The following MAP2K5 variants were observed in gnomAD, a reference collection of about 807,000 sequenced individuals.
MAP2K5 encodes the protein mitogen-activated protein kinase kinase 5.
In MAP2K5, 49 loss-of-function variants were observed where a neutral mutation model predicts 83.1. The ratio of observed to expected loss-of-function variants is 0.59; its 90% CI spans 0.47 to 0.75. MAP2K5 has a LOEUF of 0.75. Among genes scored for constraint, MAP2K5 ranks in the 30% least tolerant of loss-of-function variants. The pLI, the probability that MAP2K5 is intolerant of heterozygous loss-of-function variation, is 0.00. For missense variants in MAP2K5, 457 were observed against 557.5 expected, an observed-to-expected ratio of 0.82 and a Z score of 1.82; for synonymous variants, 202 against 191.8, an observed-to-expected ratio of 1.05 and a Z score of -0.44.
At chr15:67,803,615 C>T (rs1349406855) in intron 21 of MAP2K5, among the ~76,000 whole-genome samples, 1 of 152,148 alleles carries the variant, frequency 6.6e-6, no homozygotes, top group African/African-American at 2.4e-5. Flanking sequence ...CCTCAGTGTC[C>T]TCTCCTCTAA....
chr15:67,684,830 A>G (rs1343350298), intron 13 of MAP2K5, among the ~76,000 whole-genome samples: 15 of 152,244 alleles, frequency 9.9e-5, no homozygotes, highest in Admixed American at 9.8e-4. Context: ...GATGGAATTA[A>G]CTGAATTAGA....
At chr15:67,798,207 T>C (rs2090638819) in intron 21 of MAP2K5, among the ~76,000 whole-genome samples, 1 of 152,138 alleles carries the variant, frequency 6.6e-6, no homozygotes, top group South Asian at 2.1e-4. Context: ...GGAGCAGATG[T>C]CCATTCTCCT....
chr15:67,713,941 T>C (rs12904982), intron 16 of MAP2K5, among the ~76,000 whole-genome samples: 56,562 of 152,140 alleles, frequency 0.37, 12,090 homozygotes, highest in Non-Finnish European at 0.5. Context: ...CCAACACTTA[T>C]AATCAGTGTG....
chr15:67,756,515 C>CTG (rs200627656), intron 19 of MAP2K5, among the ~76,000 whole-genome samples: 20,727 of 131,006 alleles, frequency 0.16, 1,902 homozygotes, highest in East Asian at 0.27. Context: ...CACACAGTTA[C>CTG]TGTGTGTGTG....
chr15:67,628,532 G>T (rs1283303239), intron 8 of MAP2K5: 3 of 835,440 alleles, frequency 3.6e-6, no homozygotes, highest in Non-Finnish European at 6.1e-6. Flanking sequence ...TATCACCTAA[G>T]AGATTATTTT....
Position 67,786,814 on chromosome 15 carries a change from T to C in MAP2K5, c.1242+14062T>C, listed in dbSNP as rs1445836083. ...TAAGTGAGATAAAAATGTTAGACAC[T>C]TAGCACAGTGTCTGGCATAAAATAA... On this transcript the variant is annotated intron_variant, in intron 21 of 21. Transcript: ENST00000178640. The surrounding 1 kb of genome is among the most constrained non-coding windows in gnomAD (Gnocchi z 4.7). 6.6e-6 allele frequency among the ~76,000 whole-genome samples: 1 copy of C among 152,246 alleles called. No individual in the cohort carries two copies. The highest frequency in any genetic ancestry group is 1.9e-4 in the East Asian group (1 of 5,202).
At position 67,749,420 on chromosome 15, in the gene MAP2K5, A is replaced by G. The variant is rs771922583; in HGVS notation, c.1134+819A>G. Among the ~76,000 whole-genome samples, 1 of 152,194 alleles carries G rather than the reference A, an allele frequency of 6.6e-6. No individual in the cohort carries two copies. The highest frequency in any genetic ancestry group is 1.5e-5 in the Non-Finnish European group (1 of 68,042). On this transcript the variant is annotated intron_variant, in intron 19 of 21. Coordinates refer to ENST00000178640, the MANE Select transcript of MAP2K5 (RefSeq NM_145160.3). The surrounding 1 kb of genome is among the most constrained non-coding windows in gnomAD (Gnocchi z 4.6). ...TTATTTTTTAAACTTTAATTTTATAATATTTAAAACAGTTGTAATTAGAGA... is the reference window on the plus strand; with the variant it reads ...TTATTTTTTAAACTTTAATTTTATAGTATTTAAAACAGTTGTAATTAGAGA...
At chr15:67,771,338 C>T (rs1204067379) in intron 20 of MAP2K5, among the ~76,000 whole-genome samples, 1 of 152,170 alleles carries the variant, frequency 6.6e-6, no homozygotes, top group Non-Finnish European at 1.5e-5. Context: ...GACAGGATCC[C>T]AGTGCTAATC....
intron 13 of MAP2K5, among the ~76,000 whole-genome samples, chr15:67,684,629 T>C (rs2087904219): frequency 6.6e-6 from 1 of 152,128 alleles, no homozygotes; most frequent in Admixed American, 6.6e-5. Flanking sequence ...TCTGTAGAAA[T>C]AGATGCCCCC....
chr15:67,761,230 C>G, intron 19 of MAP2K5, among the ~76,000 whole-genome samples: 1 of 138,996 alleles, frequency 7.2e-6, no homozygotes, highest in Non-Finnish European at 1.5e-5. Context: ...GTATGTGGTT[C>G]TATTTTTTCA....
rs947123070 is a variant in MAP2K5, at chr15:67,555,392, C to T, written c.184+5310C>T. Among the ~76,000 whole-genome samples the T allele has an allele frequency of 1.3e-5, 2 of 152,126 alleles. No individual in the cohort carries two copies. Among genetic ancestry groups the T allele is most frequent in the African/African-American group, 4.8e-5 (2 of 41,412 alleles). ...ACTGAGTCATTCATGGGGGATCCACCCCCACGACAAAAACACCTCCTTCCA... is the reference window on the plus strand; with the variant it reads ...ACTGAGTCATTCATGGGGGATCCACTCCCACGACAAAAACACCTCCTTCCA... On this transcript the variant is annotated intron_variant, in intron 2 of 21. Transcript: ENST00000178640. This position sits in a 1 kb window ranked among gnomAD's most constrained non-coding sequence, Gnocchi z 5.2.
intron 21 of MAP2K5, among the ~76,000 whole-genome samples, chr15:67,789,702 C>A (rs1185749278): frequency 6.7e-6 from 1 of 148,592 alleles, no homozygotes; most frequent in African/African-American, 2.5e-5. Context: ...GCAACAAGAG[C>A]AAAACTCTGT....
In MAP2K5 at chr15:67,708,058, G is replaced by A. The variant is rs1462874818; in HGVS notation, c.1044+4650G>A. The stretch of plus-strand genomic sequence containing the variant: ...AGGCTAGGCCTGGCGGCTCATTCCT[G>A]TAATACCAGCACTTTGAGAGGCTGA... On this transcript the variant is annotated intron_variant, in intron 16 of 21. Transcript: ENST00000178640. This position sits in a 1 kb window ranked among gnomAD's most constrained non-coding sequence, Gnocchi z 4.9. Among the ~76,000 whole-genome samples, 3 of 152,188 alleles carry A rather than the reference G, an allele frequency of 2.0e-5. No homozygotes were observed. Among genetic ancestry groups the A allele is most frequent in the East Asian group, 1.9e-4 (1 of 5,204 alleles).
intron 11 of MAP2K5, among the ~76,000 whole-genome samples, chr15:67,650,533 T>G (rs2086928563): frequency 6.8e-6 from 1 of 147,770 alleles, no homozygotes; most frequent in Non-Finnish European, 1.5e-5. Context: ...TTTTTTTAAT[T>G]ATGAAAGGGT....
chr15:67,578,602 A>G (rs926428202), intron 3 of MAP2K5, among the ~76,000 whole-genome samples: 1 of 152,202 alleles, frequency 6.6e-6, no homozygotes, highest in African/African-American at 2.4e-5. Context: ...GAAACTGTTA[A>G]GTGGCATACT....
chr15:67,555,346 A>G lies in MAP2K5; in HGVS notation c.184+5264A>G, dbSNP rs2084603300. ...TCTCACATGAACCAACAGAGTGAGAACCCACTACCATAGAGAGGGCACTGA... is the reference window on the plus strand; with the variant it reads ...TCTCACATGAACCAACAGAGTGAGAGCCCACTACCATAGAGAGGGCACTGA... On this transcript the variant is annotated intron_variant, in intron 2 of 21. Coordinates refer to ENST00000178640, the MANE Select transcript of MAP2K5 (RefSeq NM_145160.3). This position sits in a 1 kb window ranked among gnomAD's most constrained non-coding sequence, Gnocchi z 5.2. 1.3e-5 allele frequency among the ~76,000 whole-genome samples: 2 copies of G among 152,124 alleles called. No homozygotes were observed. The highest frequency in any genetic ancestry group is 1.3e-4 in the Admixed American group (2 of 15,280).
chr15:67,744,985 C>A (rs1358705389), intron 17 of MAP2K5, among the ~76,000 whole-genome samples: 1 of 152,014 alleles, frequency 6.6e-6, no homozygotes, highest in African/African-American at 2.4e-5. Flanking sequence ...CGTAACTATC[C>A]CCTGTTAGTG....
At chr15:67,597,147 C>G (rs2141020509) in intron 7 of MAP2K5, among the ~76,000 whole-genome samples, 1 of 150,546 alleles carries the variant, frequency 6.6e-6, no homozygotes, top group South Asian at 2.1e-4. Flanking sequence ...CCAGCCTGGG[C>G]CACAGTGTGA....
In MAP2K5 at chr15:67,587,665, A is replaced by G. The variant is rs2085316928; in HGVS notation, c.431+752A>G. ...TGTCTTTCTATAGCGCCCACTCATA[A>G]CGTTTTAGTTAAGCCCTCAGAACGT... On this transcript the variant is annotated intron_variant, in intron 6 of 21. Transcript: ENST00000178640. This position sits in a 1 kb window ranked among gnomAD's most constrained non-coding sequence, Gnocchi z 4.8. Among the ~76,000 whole-genome samples, 2 of 152,178 alleles carry G rather than the reference A, an allele frequency of 1.3e-5. No homozygotes were observed. Among genetic ancestry groups the G allele is most frequent in the Non-Finnish European group, 2.9e-5 (2 of 68,026 alleles).
Sources: allele counts gnomAD v4.1 joint callset (sites outside exome capture counted in the v4.1 genomes callset), GRCh38; gene constraint gnomAD v4.1.1; non-coding constraint Gnocchi (gnomAD v3.1); transcripts MANE v1.5; gene names NCBI Gene and HGNC (gene_info 2026-07-23, HGNC 2026-07-21).